Variants in PCDHGB4 observed in about 807,000 individuals in gnomAD.
PCDHGB4 encodes protocadherin gamma subfamily B, 4, also known as protocadherin gamma-B4.
A neutral mutation model predicts 60.5 loss-of-function variants in PCDHGB4; 38 were observed. That is an observed-to-expected ratio of 0.63 (90% CI 0.48 to 0.82). The LOEUF (loss-of-function observed/expected upper bound fraction) is 0.82, where lower values mean the gene tolerates loss of function less well. PCDHGB4 is among the 40% of genes least tolerant of loss of function. The probability of loss-of-function intolerance (pLI) is 0.00; values close to 1 mark genes in which losing one functional copy is unlikely to be tolerated. For missense variants in PCDHGB4, 1,109 were observed against 1,209.6 expected (o/e 0.92, Z 1.23); for synonymous variants, 456 against 509.7 (o/e 0.89, Z 1.42).
intron 1 of PCDHGB4, chr5:141,402,874 C>T: frequency 2.7e-6 from 4 of 1,460,728 alleles, no homozygotes; most frequent in South Asian, 1.5e-5. Flanking sequence ...GATCACCATA[C>T]TTTGCAGGGT....
chr5:141,410,714 T>C (rs1561730445), intron 1 of PCDHGB4: 7 of 1,434,512 alleles, frequency 4.9e-6, no homozygotes, highest in Middle Eastern at 1.8e-4. Flanking sequence ...TAGAATCATA[T>C]GTTTAAAATC....
chr5:141,451,112 G>A (rs776356458), intron 1 of PCDHGB4, among the ~76,000 whole-genome samples: 9 of 152,236 alleles, frequency 5.9e-5, no homozygotes, highest in Admixed American at 1.3e-4. Flanking sequence ...ACAGGCGTGA[G>A]CCACCACACC....
At chr5:141,435,719 C>T (rs890713374) in intron 1 of PCDHGB4, among the ~76,000 whole-genome samples, 6 of 152,156 alleles carry the variant, frequency 3.9e-5, no homozygotes, top group Admixed American at 3.3e-4. Context: ...ACACTGAATG[C>T]TAAAGTGTAT....
chr5:141,418,299 G>C lies in PCDHGB4; in HGVS notation c.2397+28018G>C, dbSNP rs767901461. 5 of 1,614,046 alleles carry C rather than the reference G, an allele frequency of 3.1e-6. No individual in the cohort carries two copies. In the Admixed American group the frequency reaches 8.3e-5, roughly 27 times the overall value. On this transcript the variant is annotated intron_variant, in intron 1 of 3. Coordinates refer to ENST00000519479, the MANE Select transcript of PCDHGB4 (RefSeq NM_003736.4). ...AACTTAGAAATCAGTGAATCCGTCA[G>C]CCTGGGGATGGGAACAATTCTTGAG...
At chr5:141,397,871 C>G (rs2093579938) in intron 1 of PCDHGB4, 6 of 574,628 alleles carry the variant, frequency 1.0e-5, no homozygotes, top group Non-Finnish European at 1.8e-5. Flanking sequence ...AGTGCTGACT[C>G]TGGGCGCCGC....
rs1355278714 is a variant in PCDHGB4 at position 141,398,651 on chromosome 5, A to G, written c.2397+8370A>G. 10 of 1,613,998 alleles carry G rather than the reference A, an allele frequency of 6.2e-6. No homozygotes were observed. The South Asian group carries it at 1.1e-4, about 18-fold the overall frequency. On this transcript the variant is annotated intron_variant, in intron 1 of 3. Coordinates refer to ENST00000519479, the MANE Select transcript of PCDHGB4 (RefSeq NM_003736.4). ...CTGCAGAAGTATAAACTCTCTCTTA[A>G]CCCAAGTTTCTCATTAATAATTAAG... is the stretch of plus-strand genomic sequence containing the variant.
At chr5:141,419,371 C>T (rs751971270) in intron 1 of PCDHGB4, 4 of 1,613,662 alleles carry the variant, frequency 2.5e-6, no homozygotes, top group Non-Finnish European at 8.5e-7. Flanking sequence ...TGTCGTCCTA[C>T]GTGTCCGTGA....
In PCDHGB4 at chr5:141,491,696, G is replaced by A; in HGVS notation, c.2398-3111G>A. The A allele has an allele frequency of 6.2e-7, 1 of 1,612,390 alleles. No individual in the cohort carries two copies. The highest frequency in any genetic ancestry group is 8.5e-7 in the Non-Finnish European group (1 of 1,179,286). ...CGCTCTAATACGCTGCGGGAGCGGA[G>A]CCAGGTGAGGGGCTCGGCGCCGCCC... On this transcript the variant is annotated intron_variant, in intron 1 of 3. Coordinates refer to ENST00000519479, the MANE Select transcript of PCDHGB4 (RefSeq NM_003736.4). This position sits in a 1 kb window ranked among gnomAD's most constrained non-coding sequence, Gnocchi z 6.9.
rs151105903 is a variant in PCDHGB4 at position 141,419,964 on chromosome 5, T to C, written c.2397+29683T>C. ...GTGGCCTTGGCCTTGATTTCTGTGC[T>C]CTTTCTCCTCGCGGTGATTCTAGCT... On this transcript the variant is annotated intron_variant, in intron 1 of 3. Transcript: ENST00000519479. 3.7e-6 allele frequency: 6 copies of C among 1,614,082 alleles called. No individual in the cohort carries two copies. Among genetic ancestry groups the C allele is most frequent in the Non-Finnish European group, 4.2e-6 (5 of 1,179,900 alleles).
intron 3 of PCDHGB4, among the ~76,000 whole-genome samples, chr5:141,509,504 C>T (rs534951697): frequency 4.7e-4 from 72 of 152,246 alleles, no homozygotes; most frequent in Non-Finnish European, 8.4e-4. Flanking sequence ...CTGGATGTGA[C>T]GGTGTTGATG....
At chr5:141,398,006 A>G in intron 1 of PCDHGB4, 1 of 1,396,152 alleles carries the variant, frequency 7.2e-7, no homozygotes. Context: ...TCGGAAAAAG[A>G]ATCGTTTCCT....
At chr5:141,443,704 C>T (rs894128704) in intron 1 of PCDHGB4, among the ~76,000 whole-genome samples, 6 of 152,102 alleles carry the variant, frequency 3.9e-5, no homozygotes, top group Non-Finnish European at 7.4e-5. Flanking sequence ...TATAGAATAA[C>T]ATTTGCATAT....
At chr5:141,468,402 T>A (rs2154569909) in intron 1 of PCDHGB4, 1 of 150,014 alleles carries the variant, frequency 6.7e-6, no homozygotes, top group East Asian at 2.0e-4. Context: ...TGGTGAGAAC[T>A]AATAATAAGT....
At chr5:141,402,335 G>A (rs1157845729) in intron 1 of PCDHGB4, among the ~76,000 whole-genome samples, 1 of 151,508 alleles carries the variant, frequency 6.6e-6, no homozygotes, top group Non-Finnish European at 1.5e-5. Context: ...CAAATATATA[G>A]GTATAAAAAT....
rs368585389 is a variant in PCDHGB4, at chr5:141,419,428, G to A, written c.2397+29147G>A. On this transcript the variant is annotated intron_variant, in intron 1 of 3. Coordinates refer to ENST00000519479, the MANE Select transcript of PCDHGB4 (RefSeq NM_003736.4). ...TCGCGCAGCGCGCCTTCGACCACGAGCAGCTGCGCACCTTCGAGCTCACGC... is the reference window on the plus strand; with the variant it reads ...TCGCGCAGCGCGCCTTCGACCACGAACAGCTGCGCACCTTCGAGCTCACGC... 4 of 1,613,192 alleles carry A rather than the reference G, an allele frequency of 2.5e-6. No individual in the cohort carries two copies. In the African/African-American group the frequency reaches 4.0e-5, roughly 16 times the overall value.
intron 1 of PCDHGB4, among the ~76,000 whole-genome samples, chr5:141,407,652 A>G (rs2094964200): frequency 6.6e-6 from 1 of 152,020 alleles, no homozygotes; most frequent in Non-Finnish European, 1.5e-5. Flanking sequence ...ATAATGGGGG[A>G]GCGCAGTATA....
At chr5:141,471,252 T>C (rs1003162914) in intron 1 of PCDHGB4, 1 of 151,872 alleles carries the variant, frequency 6.6e-6, no homozygotes, top group Non-Finnish European at 1.5e-5. Flanking sequence ...GGTTTCACCA[T>C]GTTGGCAAGG....
Position 141,511,066 on chromosome 5 carries a change from C to T in PCDHGB4, c.2665C>T (p.Pro889Ser). Residue 889 changes from proline to serine, a missense_variant, in exon 4 of 4, where the codon CCA (proline) becomes TCA (serine). Physicochemically the swap from Pro to Ser is moderately conservative, Grantham distance 74. This residue lies in a region of PCDHGB4 where 1,068 missense variants were observed against 1,089.9 expected (regional missense o/e 0.98). Transcript: ENST00000519479. The part of the protein sequence containing the change: ...VPDYRQNVYI[P>S]GSNATLTNAA... ...CGACTACCGCCAGAATGTCTACATC[C>T]CAGGCAGCAATGCCACACTGACCAA... 1.2e-6 allele frequency: 2 copies of T among 1,614,230 alleles called. No individual in the cohort carries two copies. Among genetic ancestry groups the T allele is most frequent in the Non-Finnish European group, 1.7e-6 (2 of 1,180,036 alleles).
intron 1 of PCDHGB4, chr5:141,413,459 A>G: frequency 6.2e-7 from 1 of 1,614,080 alleles, no homozygotes; most frequent in Non-Finnish European, 8.5e-7. Flanking sequence ...GGCAGGATAG[A>G]CCGGGAGGAG....
Sources: gnomAD v4.1 joint callset for allele counts (sites outside exome capture counted in the v4.1 genomes callset) on GRCh38, gnomAD v4.1.1 for gene constraint, gnomAD v4.1.1 regional missense constraint, Gnocchi (gnomAD v3.1) non-coding constraint, MANE v1.5 for transcripts, NCBI Gene and HGNC (gene_info 2026-07-23, HGNC 2026-07-21) for gene names.